The following ATP2C2 variants were observed in gnomAD, a reference collection of about 807,000 sequenced individuals.
ATP2C2 encodes the protein calcium-transporting ATPase type 2C member 2.
ATP2C2 carries 171 observed loss-of-function variants against 110.8 expected under a neutral mutation model. The observed-to-expected ratio is 1.54, with a 90% CI of 1.36 to 1.75. The LOEUF is 1.75. ATP2C2 is among the 40% of genes most tolerant of loss of function. The pLI is 0.00. For missense variants in ATP2C2, 1,963 were observed against 1,235.0 expected, an observed-to-expected ratio of 1.59 and a Z score of -8.84; for synonymous variants, 804 against 508.4, an observed-to-expected ratio of 1.58 and a Z score of -7.82.
At chr16:84,381,691 G>A (rs1016693750) in intron 1 of ATP2C2, among the ~76,000 whole-genome samples, 1 of 152,222 alleles carries the variant, frequency 6.6e-6, no homozygotes, top group Non-Finnish European at 1.5e-5. Flanking sequence ...TATTCCTGCA[G>A]TGTATGTGGG....
At position 84,396,226 on chromosome 16, in the gene ATP2C2, G is replaced by A. The variant is rs892041382; in HGVS notation, c.100-2273G>A. 1.7e-3 allele frequency among the ~76,000 whole-genome samples: 57 copies of A among 33,754 alleles called. 1 individual carries two copies. In the Admixed American group the frequency reaches 0.022, roughly 13 times the overall value. 22.1% of individuals were successfully genotyped at this position (33,754 alleles called of 152,430 possible). Reference sequence around the variant, plus strand: ...GCAAGTGTTTTCAAGCATCGGGCGTGTGTGTGTGTGTGTGTGAGATGGGAT... The same window carrying A: ...GCAAGTGTTTTCAAGCATCGGGCGTATGTGTGTGTGTGTGTGAGATGGGAT... On this transcript the variant is annotated intron_variant, in intron 1 of 26. Transcript: ENST00000262429.
intron 1 of ATP2C2, among the ~76,000 whole-genome samples, chr16:84,385,580 C>T (rs992300114): frequency 1.3e-5 from 2 of 152,212 alleles, no homozygotes; most frequent in South Asian, 2.1e-4. Flanking sequence ...AGTCCACTCT[C>T]ATGCTGCTAT....
intron 11 of ATP2C2, among the ~76,000 whole-genome samples, chr16:84,431,338 A>T (rs1233103889): frequency 6.6e-6 from 1 of 152,028 alleles, no homozygotes; most frequent in Non-Finnish European, 1.5e-5. Flanking sequence ...TCTACCAAAA[A>T]TACAAAATTA....
intron 11 of ATP2C2, among the ~76,000 whole-genome samples, chr16:84,435,139 T>G (rs1908625055): frequency 1.3e-5 from 2 of 152,258 alleles, no homozygotes. Context: ...GTAATTGGAA[T>G]TTGTTGCCAA....
intron 18 of ATP2C2, 48 bp from the exon 19 acceptor site, chr16:84,453,090 T>G (rs781334485): frequency 6.5e-7 from 1 of 1,545,530 alleles, no homozygotes; most frequent in Non-Finnish European, 8.8e-7. Context: ...GAGTGAGGGG[T>G]GGGGACGCGG....
chr16:84,441,980 G>C (rs545974757), intron 14 of ATP2C2, among the ~76,000 whole-genome samples: 64 of 152,068 alleles, frequency 4.2e-4, no homozygotes, highest in African/African-American at 1.5e-3. Context: ...AAAAAGAAAA[G>C]AAAAGAAATG....
intron 24 of ATP2C2, chr16:84,461,025 GC>G: frequency 1.7e-6 from 1 of 579,176 alleles, no homozygotes; most frequent in Non-Finnish European, 2.9e-6. Flanking sequence ...AACTACAGAG[GC>G]CAGCGGGGTG....
intron 1 of ATP2C2, among the ~76,000 whole-genome samples, chr16:84,388,832 T>C (rs1904476504): frequency 6.6e-6 from 1 of 152,212 alleles, no homozygotes; most frequent in Non-Finnish European, 1.5e-5. Flanking sequence ...AGTGCAGTGG[T>C]GCAATCTTGG....
At chr16:84,412,382 GTA>G (rs71151209) in intron 6 of ATP2C2, among the ~76,000 whole-genome samples, 75,351 of 149,310 alleles carry the variant, frequency 0.5, 19,238 homozygotes, top group Middle Eastern at 0.57. Context: ...GTGCGTGTGT[GTA>G]TATGTGTCTG....
Position 84,459,377 on chromosome 16 carries a change from C to G in ATP2C2, c.2324C>G (p.Pro775Arg). 7 of 1,614,060 alleles carry G rather than the reference C, an allele frequency of 4.3e-6. No homozygotes were observed. Among genetic ancestry groups the G allele is most frequent in the South Asian group, 1.1e-5 (1 of 91,084 alleles). Residue 775 changes from proline (P) to arginine (R), a missense_variant, in exon 23 of 27, where the codon CCG becomes CGG. Pro to Arg is a moderately radical substitution (Grantham distance 103, BLOSUM62 -2). Transcript: ENST00000262429. ...LWINIIMDGPPAQSLGVEPVD... is the reference protein window; with the variant it reads ...LWINIIMDGPRAQSLGVEPVD... ...ATCAACATCATCATGGATGGGCCAC[C>G]GGCGCAGAGGTGAGGCAGGGCCGGC...
chr16:84,369,454 G>A (rs184180628), intron 1 of ATP2C2, among the ~76,000 whole-genome samples: 1 of 151,932 alleles, frequency 6.6e-6, no homozygotes, highest in Non-Finnish European at 1.5e-5. Context: ...GGTCAGGGGG[G>A]CACTGAATTT....
At chr16:84,389,655 A>T (rs1351907957) in intron 1 of ATP2C2, among the ~76,000 whole-genome samples, 1 of 146,664 alleles carries the variant, frequency 6.8e-6, no homozygotes, top group Non-Finnish European at 1.5e-5. Flanking sequence ...CACCGCTGTC[A>T]CCCTAAGGCC....
At position 84,421,186 on chromosome 16, in the gene ATP2C2, T is replaced by C. The variant is rs150537029; in HGVS notation, c.625-1204T>C. 5.7e-3 allele frequency among the ~76,000 whole-genome samples: 869 copies of C among 152,292 alleles called. 10 individuals are homozygous for C. The highest frequency in any genetic ancestry group is 0.02 in the African/African-American group (839 of 41,558). ...CCTCCTTCAAAGACTTTCCTCAGCA[T>C]CGCTCAGTGACTTCTTATGCTTCAT... On this transcript the variant is annotated intron_variant, in intron 7 of 26. Transcript: ENST00000262429.
At chr16:84,387,756 C>T (rs1904402413) in intron 1 of ATP2C2, among the ~76,000 whole-genome samples, 1 of 152,076 alleles carries the variant, frequency 6.6e-6, no homozygotes, top group Non-Finnish European at 1.5e-5. Flanking sequence ...CAAGACAGCC[C>T]TTCTCAGACA....
chr16:84,418,711 C>T (rs1365111447), intron 7 of ATP2C2, among the ~76,000 whole-genome samples: 1 of 152,174 alleles, frequency 6.6e-6, no homozygotes, highest in Non-Finnish European at 1.5e-5. Context: ...ATGTCCTTAC[C>T]CCCAGGACGT....
At position 84,451,075 on chromosome 16, in the gene ATP2C2, A is replaced by T. The variant is rs570226479; in HGVS notation, c.1661-846A>T. Among the ~76,000 whole-genome samples, 5 of 152,266 alleles carry T rather than the reference A, an allele frequency of 3.3e-5. No individual in the cohort carries two copies. The East Asian group carries it at 7.7e-4, about 24-fold the overall frequency. ...TGAGACTAGGTAATTTACAAAGAAA[A>T]AGAGGTTGAATGGACTCAGTTCCAC... On this transcript the variant is annotated intron_variant, in intron 17 of 26. Coordinates refer to ENST00000262429, the MANE Select transcript of ATP2C2 (RefSeq NM_014861.4).
In ATP2C2 at chr16:84,368,711, C is replaced by G. The variant is rs1201113429; in HGVS notation, c.96C>G (p.Ala32=). The G allele has an allele frequency of 1.3e-6, 2 of 1,538,638 alleles. No individual in the cohort carries two copies. The highest frequency in any genetic ancestry group is 1.7e-6 in the Non-Finnish European group (2 of 1,144,894). Residue 32 remains alanine (A), a synonymous_variant, in exon 1 of 27, where the codon GCC becomes GCG. Transcript: ENST00000262429. The stretch of plus-strand genomic sequence containing the variant: ...CGCTGGAGAAGGACGAAGAGGAAGC[C>G]TTGGTGAGTCCCCGCGACTCCGCGC... ...YQALEKDEEE[A]LIDEQSELKA...
intron 1 of ATP2C2, among the ~76,000 whole-genome samples, chr16:84,371,340 G>C (rs1909941902): frequency 6.6e-6 from 1 of 152,142 alleles, no homozygotes; most frequent in African/African-American, 2.4e-5. Context: ...AACATAGCCA[G>C]ATGCCATCTC....
Position 84,422,535 on chromosome 16 carries a change from G to T in ATP2C2, c.770G>T (p.Gly257Val). 1 of 1,613,856 alleles carries T rather than the reference G, an allele frequency of 6.2e-7. No individual in the cohort carries two copies. Among genetic ancestry groups the T allele is most frequent in the Non-Finnish European group, 8.5e-7 (1 of 1,179,874 alleles). Residue 257 changes from glycine (G) to valine (V), a missense_variant, in exon 8 of 27, where the codon GGC (glycine) becomes GTC (valine). Physicochemically the swap from Gly to Val is moderately radical, Grantham distance 109. Coordinates refer to ENST00000262429, the MANE Select transcript of ATP2C2 (RefSeq NM_014861.4). ...FMGTLVQYGR[G>V]QGVVIGTGES... ...GGGACCCTGGTGCAGTATGGGAGGG[G>T]CCAGGTAAGCCCTGGGACACCGAGG...
Sources: gnomAD v4.1 joint callset for allele counts (sites outside exome capture counted in the v4.1 genomes callset) on GRCh38, gnomAD v4.1.1 for gene constraint, MANE v1.5 for transcripts, NCBI Gene and HGNC (gene_info 2026-07-23, HGNC 2026-07-21) for gene names.